The following SLC1A2 variants were observed in gnomAD, a reference collection of about 807,000 sequenced individuals.
The protein encoded by SLC1A2 is excitatory amino acid transporter 2.
In SLC1A2, 15 loss-of-function variants were observed where a neutral mutation model predicts 48.8. The observed-to-expected ratio is 0.31, with a 90% CI of 0.21 to 0.47. The LOEUF is 0.47. SLC1A2 is among the 20% of genes least tolerant of loss of function. SLC1A2 has a pLI of 0.99. For missense variants in SLC1A2, 502 were observed against 730.5 expected (o/e 0.69, Z 3.61); for synonymous variants, 279 against 272.6 (o/e 1.02, Z -0.23).
intron 8 of SLC1A2, chr11:35,286,487 C>T (rs1318256090): frequency 1.1e-5 from 3 of 268,208 alleles, no homozygotes; most frequent in African/African-American, 4.4e-5. Flanking sequence ...AAGAAATTAC[C>T]CTGCTTCCAT....
At chr11:35,394,980 G>T (rs1854906359) in intron 1 of SLC1A2, among the ~76,000 whole-genome samples, 1 of 152,194 alleles carries the variant, frequency 6.6e-6, no homozygotes, top group Non-Finnish European at 1.5e-5. Flanking sequence ...GTGGGTCAAT[G>T]CTCAAAGGAT....
chr11:35,370,107 C>G (rs1854005719), intron 1 of SLC1A2, among the ~76,000 whole-genome samples: 1 of 152,164 alleles, frequency 6.6e-6, no homozygotes, highest in Non-Finnish European at 1.5e-5. Context: ...ATTGTTAATA[C>G]TTATAATGCA....
chr11:35,297,092 G>A (rs542824189), intron 6 of SLC1A2, among the ~76,000 whole-genome samples: 5 of 152,196 alleles, frequency 3.3e-5, no homozygotes, highest in East Asian at 1.9e-4. Flanking sequence ...TCAGTTAGGC[G>A]TCTGAACCTT....
rs1854993872 is a variant in SLC1A2 at position 35,397,262 on chromosome 11, T to C, written c.17+21688A>G. Among the ~76,000 whole-genome samples, 3 of 148,390 alleles carry C rather than the reference T, an allele frequency of 2.0e-5. No individual in the cohort carries two copies. In the South Asian group the frequency reaches 6.8e-4, roughly 33 times the overall value. On this transcript the variant is annotated intron_variant, in intron 1 of 10. Transcript: ENST00000278379. ...AAGAACAAAGCCGGAGGCATCACGC[T>C]ACCTGACTTCAAACTATACTACAAG...
chr11:35,368,217 C>T (rs1853927793), intron 1 of SLC1A2, among the ~76,000 whole-genome samples: 1 of 152,234 alleles, frequency 6.6e-6, no homozygotes, highest in South Asian at 2.1e-4. Flanking sequence ...TCATTTCACA[C>T]TTTGAGTAAA....
chr11:35,324,467 A>T (rs560489172), intron 1 of SLC1A2, among the ~76,000 whole-genome samples: 3 of 152,224 alleles, frequency 2.0e-5, no homozygotes, highest in African/African-American at 7.2e-5. Flanking sequence ...CAGTGAGATG[A>T]TATCTATGAA....
intron 4 of SLC1A2, among the ~76,000 whole-genome samples, chr11:35,309,459 C>T (rs1851618918): frequency 6.6e-6 from 1 of 152,176 alleles, no homozygotes; most frequent in Non-Finnish European, 1.5e-5. Context: ...ATCTTACAGC[C>T]AGTTACTGTC....
At chr11:35,327,652 A>G (rs1852292801) in intron 1 of SLC1A2, among the ~76,000 whole-genome samples, 1 of 152,220 alleles carries the variant, frequency 6.6e-6, no homozygotes, top group South Asian at 2.1e-4. Context: ...ACATTTCATC[A>G]GTTTAACTTT....
intron 1 of SLC1A2, among the ~76,000 whole-genome samples, chr11:35,329,155 T>C (rs1035515285): frequency 1.3e-5 from 2 of 152,232 alleles, no homozygotes; most frequent in Non-Finnish European, 2.9e-5. Flanking sequence ...TTGAAAAGGC[T>C]ACATACTGTA....
At chr11:35,279,844 A>G (rs568285016) in intron 9 of SLC1A2, among the ~76,000 whole-genome samples, 1 of 152,174 alleles carries the variant, frequency 6.6e-6, no homozygotes, top group Non-Finnish European at 1.5e-5. Flanking sequence ...CCTAGTGAAC[A>G]CTCAAATTCA....
chr11:35,332,874 T>C (rs1243079973), intron 1 of SLC1A2, among the ~76,000 whole-genome samples: 1 of 152,188 alleles, frequency 6.6e-6, no homozygotes, highest in African/African-American at 2.4e-5. Context: ...ACAATTTCAT[T>C]ATAAGCAAAT....
At chr11:35,411,075 T>C (rs562582493) in intron 1 of SLC1A2, among the ~76,000 whole-genome samples, 11 of 152,332 alleles carry the variant, frequency 7.2e-5, no homozygotes, top group African/African-American at 2.4e-4. Context: ...TAAAAATCAA[T>C]AATCCTTCAA....
intron 1 of SLC1A2, among the ~76,000 whole-genome samples, chr11:35,361,328 T>G (rs940598196): frequency 2.0e-5 from 3 of 152,206 alleles, no homozygotes; most frequent in Non-Finnish European, 2.9e-5. Context: ...ATACCCAAAG[T>G]TACCCAGAAC....
chr11:35,271,892 T>C (rs1850290349), intron 9 of SLC1A2, among the ~76,000 whole-genome samples: 1 of 152,168 alleles, frequency 6.6e-6, no homozygotes, highest in African/African-American at 2.4e-5. Context: ...ACTATTGGCC[T>C]GGCAAGAGCA....
intron 1 of SLC1A2, among the ~76,000 whole-genome samples, chr11:35,355,886 T>C (rs1400587743): frequency 9.0e-6 from 1 of 111,594 alleles, no homozygotes; most frequent in East Asian, 2.6e-4. Flanking sequence ...CTCCATCTCA[T>C]CTCAAAAAAA....
chr11:35,344,015 C>T (rs116593447), intron 1 of SLC1A2, among the ~76,000 whole-genome samples: 2,286 of 152,206 alleles, frequency 0.015, 57 homozygotes, highest in African/African-American at 0.05. Flanking sequence ...GAAGTGGCCC[C>T]ACTGAGAACT....
chr11:35,330,905 C>T (rs1852404597), intron 1 of SLC1A2, among the ~76,000 whole-genome samples: 1 of 152,216 alleles, frequency 6.6e-6, no homozygotes, highest in Admixed American at 6.5e-5. Context: ...GCCTCCAGAA[C>T]TATATGATAA....
At position 35,263,159 on chromosome 11, in the gene SLC1A2, T is replaced by C. The variant is rs1460774263; in HGVS notation, c.1654-2194A>G. ...CATTTCCTTATAGGGCTTGAAATAG[T>C]TTGCTTTAAAAAACGAAGCAAATTG... is the stretch of plus-strand genomic sequence containing the variant. On this transcript the variant is annotated intron_variant, in intron 10 of 10. Transcript: ENST00000278379. Among the ~76,000 whole-genome samples the C allele has an allele frequency of 3.3e-5, 5 of 152,132 alleles. No homozygotes were observed. The East Asian group carries it at 9.6e-4, about 29-fold the overall frequency.
In SLC1A2 at chr11:35,292,346, G is replaced by T. The variant is rs755817076; in HGVS notation, c.1032C>A (p.Pro344=). 59 of 1,613,898 alleles carry T rather than the reference G, an allele frequency of 3.7e-5. 2 individuals carry two copies. The South Asian group carries it at 6.5e-4, about 18-fold the overall frequency. The part of the protein sequence containing the change: ...LIYFVVTRKN[P]FSFFAGIFQA... The stretch of plus-strand genomic sequence containing the variant: ...GGAAAATGCCAGCAAAAAAGGAGAA[G>T]GGGTTTTTCCTGGTCACTACAAAGT... Residue 344 remains proline, a synonymous_variant, in exon 7 of 11, where the codon CCC becomes CCA. Coordinates refer to ENST00000278379, the MANE Select transcript of SLC1A2 (RefSeq NM_004171.4).
Sources: gnomAD v4.1 joint callset for allele counts (sites outside exome capture counted in the v4.1 genomes callset) on GRCh38, gnomAD v4.1.1 for gene constraint, MANE v1.5 for transcripts, NCBI Gene and HGNC (gene_info 2026-07-23, HGNC 2026-07-21) for gene names.